KIT: variants seen among roughly 807,000 people sequenced by gnomAD.
The protein encoded by KIT is mast/stem cell growth factor receptor Kit.
KIT carries 16 observed loss-of-function variants against 105.7 expected under a neutral mutation model. The ratio of observed to expected loss-of-function variants is 0.15; its 90% CI spans 0.10 to 0.23. The LOEUF (loss-of-function observed/expected upper bound fraction) is 0.23. Among genes scored for constraint, KIT ranks in the 10% least tolerant of loss-of-function variants. The probability of loss-of-function intolerance (pLI) is 1.00; values close to 1 mark genes in which losing one functional copy is unlikely to be tolerated. For synonymous variants in KIT, 438 were observed against 441.1 expected, an observed-to-expected ratio of 0.99 and a Z score of 0.09; for missense variants, 858 against 1,213.8, an observed-to-expected ratio of 0.71 and a Z score of 4.36.
intron 6 of KIT, 119 bp downstream of exon 6, chr4:54,707,406 TG>T: frequency 2.6e-6 from 2 of 756,406 alleles, no homozygotes; most frequent in Admixed American, 2.1e-5. Flanking sequence ...GAAGAAAGTC[TG>T]GGGCTGCCTC....
intron 1 of KIT, 47 bp from the exon 2 acceptor site, chr4:54,695,465 G>T (rs372371906): frequency 6.2e-7 from 1 of 1,608,264 alleles, no homozygotes; most frequent in Non-Finnish European, 8.5e-7. Context: ...GCTTTATTTC[G>T]CCAAGGAAGA....
intron 9 of KIT, 113 bp downstream of exon 9, chr4:54,726,163 T>C: frequency 1.2e-6 from 1 of 831,130 alleles, no homozygotes; most frequent in Non-Finnish European, 2.0e-6. Flanking sequence ...AATACATGCA[T>C]CACACCATAC....
At chr4:54,667,795 T>A (rs1717810678) in intron 1 of KIT, among the ~76,000 whole-genome samples, 2 of 152,336 alleles carry the variant, frequency 1.3e-5, no homozygotes, top group South Asian at 2.1e-4. Context: ...AAATAACTTT[T>A]AAAAATGGAA....
chr4:54,679,764 A>G (rs981082470), intron 1 of KIT, among the ~76,000 whole-genome samples: 3 of 152,202 alleles, frequency 2.0e-5, no homozygotes, highest in Non-Finnish European at 4.4e-5. Flanking sequence ...AAATAATATT[A>G]ATAAAATGTC....
chr4:54,729,385 T>C lies in KIT; in HGVS notation c.2041T>C (p.Phe681Leu). 6.2e-7 allele frequency: 1 copy of C among 1,613,794 alleles called. No homozygotes were observed. Among genetic ancestry groups the C allele is most frequent in the Non-Finnish European group, 8.5e-7 (1 of 1,179,788 alleles). The stretch of plus-strand genomic sequence containing the variant: ...TTGTTGCTATGGTGATCTTTTGAAT[T>C]TTTTGAGAAGAAAACGTGATTCATT... ...EYCCYGDLLN[F>L]LRRKRDSFIC... Residue 681 changes from phenylalanine (F) to leucine (L), a missense_variant, in exon 14 of 21, where the codon TTT becomes CTT. By Grantham distance (22) the Phe-to-Leu change is conservative. Around this residue, in one of 7 missense-constraint regions of KIT, gnomAD observed 158 missense variants for 218.7 expected, o/e 0.72. Transcript: ENST00000288135.
chr4:54,699,562 A>C, intron 3 of KIT, 68 bp from the exon 4 acceptor site: 1 of 1,560,528 alleles, frequency 6.4e-7, no homozygotes, highest in Non-Finnish European at 8.8e-7. Context: ...ATTTGAGGAG[A>C]AATGGTAAAT....
At chr4:54,731,595 C>T (rs1553892619) in intron 15 of KIT, among the ~76,000 whole-genome samples, 176 bp downstream of exon 15, 8 of 152,136 alleles carry the variant, frequency 5.3e-5, no homozygotes, top group Non-Finnish European at 1.0e-4. Context: ...GGGGTCAGAG[C>T]ATATGTTTTT....
chr4:54,696,323 A>G (rs1428857887), intron 2 of KIT, among the ~76,000 whole-genome samples: 1 of 152,166 alleles, frequency 6.6e-6, no homozygotes, highest in African/African-American at 2.4e-5. Context: ...AAAAATAAAT[A>G]TGGTAGTTGG....
At chr4:54,690,069 G>GT (rs35746400) in intron 1 of KIT, among the ~76,000 whole-genome samples, 39,401 of 144,554 alleles carry the variant, frequency 0.27, 5,948 homozygotes, top group Admixed American at 0.37. Context: ...GGGGGGGGGG[G>GT]GCTGTGTAAT....
In KIT at chr4:54,690,582, G is replaced by C. The variant is rs144138634; in HGVS notation, c.68-4930G>C. Among the ~76,000 whole-genome samples the C allele has an allele frequency of 9.2e-5, 14 of 152,294 alleles. No individual in the cohort carries two copies. The East Asian group carries it at 2.7e-3, about 29-fold the overall frequency. On this transcript the variant is annotated intron_variant, in intron 1 of 20. Coordinates refer to ENST00000288135, the MANE Select transcript of KIT (RefSeq NM_000222.3). ...GTTAATTAATTAACATGTGTTCAGG[G>C]AACAGAAAACAACTCTTAATATTAG...
intron 6 of KIT, among the ~76,000 whole-genome samples, chr4:54,708,047 G>A (rs1720902813): frequency 6.6e-6 from 1 of 152,180 alleles, no homozygotes; most frequent in African/African-American, 2.4e-5. Context: ...CTGGGCCAAG[G>A]ACTAAAGGTT....
chr4:54,715,003 T>G (rs1347733886), intron 7 of KIT, among the ~76,000 whole-genome samples: 1 of 152,228 alleles, frequency 6.6e-6, no homozygotes. Flanking sequence ...TGGAAGGGTA[T>G]TAACAGGGGG....
chr4:54,722,796 T>C (rs1721955936), intron 7 of KIT, among the ~76,000 whole-genome samples: 2 of 138,910 alleles, frequency 1.4e-5, no homozygotes, highest in Admixed American at 8.1e-5. Context: ...AGTGAATATA[T>C]TCAGATTTAT....
chr4:54,723,200 A>G (rs1404089390), intron 7 of KIT, among the ~76,000 whole-genome samples: 7 of 152,114 alleles, frequency 4.6e-5, no homozygotes, highest in Non-Finnish European at 1.0e-4. Flanking sequence ...TAGGGCAGGT[A>G]CAGTTGCTTG....
intron 20 of KIT, among the ~76,000 whole-genome samples, chr4:54,737,945 A>C (rs1469526792): frequency 6.6e-6 from 1 of 152,084 alleles, no homozygotes; most frequent in African/African-American, 2.4e-5. Flanking sequence ...TTCTTTCCTA[A>C]TAGCACACCA....
intron 1 of KIT, 144 bp from the exon 2 acceptor site, chr4:54,695,366 ACT>A (rs1282091269): frequency 4.9e-6 from 4 of 817,222 alleles, no homozygotes; most frequent in Non-Finnish European, 2.0e-6. Context: ...TTTAGACAGA[ACT>A]CTCTTTTCAG....
In KIT at chr4:54,698,647, A is replaced by C. The variant is rs1318915909; in HGVS notation, c.619+82A>C. On this transcript the variant is annotated intron_variant, in intron 3 of 20. Transcript: ENST00000288135. The stretch of plus-strand genomic sequence containing the variant: ...ACTTCTCTTCTCGTTGATCCACCTT[A>C]GTGTAGTCAATCAGGGAGCTAGCTG... 4 of 1,465,970 alleles carry C rather than the reference A, an allele frequency of 2.7e-6. No individual in the cohort carries two copies. In the African/African-American group the frequency reaches 5.6e-5, roughly 20 times the overall value. 90.8% of individuals were successfully genotyped at this position (1,465,970 alleles called of 1,614,324 possible).
chr4:54,684,254 CCT>C (rs1719152145), intron 1 of KIT, among the ~76,000 whole-genome samples: 2 of 152,058 alleles, frequency 1.3e-5, no homozygotes, highest in Non-Finnish European at 2.9e-5. Flanking sequence ...GTGTGACATC[CCT>C]CTCTAGCCTT....
In KIT at chr4:54,738,102, G is replaced by A. The variant is rs1723030233; in HGVS notation, c.2803-327G>A. 3.3e-5 allele frequency among the ~76,000 whole-genome samples: 5 copies of A among 152,314 alleles called. No individual in the cohort carries two copies. In the South Asian group the frequency reaches 1.0e-3, roughly 32 times the overall value. ...CCCAGCAAATTACATTGGTTATTGGGTTGTAGTTGCTGGAGAGATTTACAA... is the reference window on the plus strand; with the variant it reads ...CCCAGCAAATTACATTGGTTATTGGATTGTAGTTGCTGGAGAGATTTACAA... On this transcript the variant is annotated intron_variant, in intron 20 of 20. Transcript: ENST00000288135.
Sources: allele counts gnomAD v4.1 joint callset (sites outside exome capture counted in the v4.1 genomes callset), GRCh38; gene constraint gnomAD v4.1.1; regional missense constraint gnomAD v4.1.1; transcripts MANE v1.5; gene names NCBI Gene and HGNC (gene_info 2026-07-23, HGNC 2026-07-21).